RUBCN: variants seen among roughly 807,000 people sequenced by gnomAD.
RUBCN encodes the protein run domain Beclin-1-interacting and cysteine-rich domain-containing protein.
RUBCN carries 74 observed loss-of-function variants against 113.2 expected under a neutral mutation model. The ratio of observed to expected loss-of-function variants is 0.65; its 90% CI spans 0.54 to 0.79. The LOEUF (loss-of-function observed/expected upper bound fraction) is 0.79. Among genes scored for constraint, RUBCN ranks in the 30% least tolerant of loss-of-function variants. The pLI, the probability that RUBCN is intolerant of heterozygous loss-of-function variation, is 0.00. For missense variants in RUBCN, 1,109 were observed against 1,251.7 expected, an observed-to-expected ratio of 0.89 and a Z score of 1.72; for synonymous variants, 480 against 490.0, an observed-to-expected ratio of 0.98 and a Z score of 0.27.
intron 17 of RUBCN, 83 bp from the exon 18 acceptor site, chr3:197,677,121 G>T: frequency 6.9e-7 from 1 of 1,448,842 alleles, no homozygotes; most frequent in Non-Finnish European, 9.6e-7. Context: ...TCCAGAAACT[G>T]CAGAAAGTAA....
chr3:197,700,942 T>C lies in RUBCN; in HGVS notation c.932A>G (p.Gln311Arg), dbSNP rs2108903652. ...ACTGGCATCACCTGGGGAATCATTC[T>C]GGCTGCTGACCCAGGATGCCTCTAT... ...SPIEASWVSSQNDSPGDASEG... is the reference protein window; with the variant it reads ...SPIEASWVSSRNDSPGDASEG... The change falls in exon 7 of 20, where the codon CAG becomes CGG. Residue 311 changes from glutamine to arginine, a missense_variant. Gln to Arg is a conservative substitution (Grantham distance 43). This residue lies in a region of RUBCN where 736 missense variants were observed against 779.6 expected (regional missense o/e 0.94). Coordinates refer to ENST00000296343, the MANE Select transcript of RUBCN (RefSeq NM_014687.4). 6.2e-7 allele frequency: 1 copy of C among 1,614,238 alleles called. No individual in the cohort carries two copies. The highest frequency in any genetic ancestry group is 2.2e-5 in the East Asian group (1 of 44,888).
intron 1 of RUBCN, among the ~76,000 whole-genome samples, chr3:197,732,763 C>A (rs1727666551): frequency 6.6e-6 from 1 of 152,270 alleles, no homozygotes; most frequent in South Asian, 2.1e-4. Flanking sequence ...AGCACACTAC[C>A]GGGGAAGTGG....
chr3:197,698,184 C>T (rs1580241237), intron 7 of RUBCN, among the ~76,000 whole-genome samples: 1 of 151,916 alleles, frequency 6.6e-6, no homozygotes, highest in East Asian at 1.9e-4. Context: ...TCTTAGAATT[C>T]CCTTACACTC....
upstream of RUBCN, among the ~76,000 whole-genome samples, chr3:197,739,969 G>A (rs1171168176): frequency 1.3e-5 from 2 of 152,090 alleles, no homozygotes; most frequent in Non-Finnish European, 2.9e-5. Context: ...GAACCCGTGA[G>A]GTAGAGGTTG....
intron 4 of RUBCN, 90 bp from the exon 5 acceptor site, chr3:197,703,744 A>C: frequency 1.3e-6 from 1 of 793,442 alleles, no homozygotes. Flanking sequence ...GGTAAGGATG[A>C]ATGAGGAGGA....
rs1417995973 is a variant in RUBCN, at chr3:197,703,539, C to T, written c.570+9G>A. ...AGCATAGACGTGGATAATTCCTTGT[C>T]CCCTGTACCATGGACGCATCGATCT... On this transcript the variant is annotated intron_variant, in intron 5 of 19. Coordinates refer to ENST00000296343, the MANE Select transcript of RUBCN (RefSeq NM_014687.4). The T allele has an allele frequency of 1.1e-5, 18 of 1,588,744 alleles. No homozygotes were observed. Among genetic ancestry groups the T allele is most frequent in the Non-Finnish European group, 1.4e-5 (16 of 1,157,616 alleles).
intron 7 of RUBCN, among the ~76,000 whole-genome samples, chr3:197,698,997 C>T (rs905445423): frequency 2.0e-5 from 3 of 152,090 alleles, no homozygotes; most frequent in African/African-American, 4.8e-5. Flanking sequence ...AGAGACTGAA[C>T]GAGGCATTTG....
At chr3:197,734,084 C>T (rs1406637723) in intron 1 of RUBCN, among the ~76,000 whole-genome samples, 1 of 150,884 alleles carries the variant, frequency 6.6e-6, no homozygotes, top group Admixed American at 6.6e-5. Context: ...GGCGAAACCC[C>T]GTCTCTACTA....
chr3:197,718,139 G>C lies in RUBCN; in HGVS notation c.66-9C>G, dbSNP rs769079011. On this transcript the variant is annotated splice_polypyrimidine_tract_variant and intron_variant, in intron 1 of 19. Coordinates refer to ENST00000296343, the MANE Select transcript of RUBCN (RefSeq NM_014687.4). The stretch of plus-strand genomic sequence containing the variant: ...ACTGCCAGTGCTCCCTCCTGCAAGG[G>C]CATCAGTTACACCAATCGTTAGTTA... 6.2e-7 allele frequency: 1 copy of C among 1,614,088 alleles called. No individual in the cohort carries two copies. The highest frequency in any genetic ancestry group is 1.1e-5 in the South Asian group (1 of 91,078).
upstream of RUBCN, chr3:197,737,226 C>T (rs1438207604): frequency 1.2e-5 from 2 of 165,722 alleles, no homozygotes; most frequent in Non-Finnish European, 2.6e-5. Flanking sequence ...GGACCGAACT[C>T]AGTCCGAGAT....
chr3:197,700,177 C>T (rs1019938623), intron 7 of RUBCN, among the ~76,000 whole-genome samples: 5 of 152,292 alleles, frequency 3.3e-5, no homozygotes, highest in East Asian at 1.9e-4. Context: ...CTATAGCCTT[C>T]GTTTTAATTA....
chr3:197,739,705 G>GA (rs1472512893), upstream of RUBCN, among the ~76,000 whole-genome samples: 6 of 151,948 alleles, frequency 3.9e-5, no homozygotes, highest in Non-Finnish European at 5.9e-5. Context: ...GCGACAGAGG[G>GA]AGACTCCGTT....
At position 197,674,477 on chromosome 3, in the gene RUBCN, A is replaced by G. The variant is rs768610272; in HGVS notation, c.*541T>C. 6.5e-6 allele frequency: 3 copies of G among 458,588 alleles called. No individual in the cohort carries two copies. Among genetic ancestry groups the G allele is most frequent in the East Asian group, 7.5e-5 (1 of 13,268 alleles). 28.4% of individuals were successfully genotyped at this position (458,588 alleles called of 1,614,324 possible). A position where few individuals can be genotyped will look rare whatever the true frequency, so the allele number is the denominator to read the frequency against. ...GTTCTGTGGCCCCCAAAATACCCAA[A>G]TAAGTGGACGAAATGCCCATGACGT... On this transcript the variant is annotated 3_prime_UTR_variant, in exon 20 of 20. Transcript: ENST00000296343.
intron 2 of RUBCN, among the ~76,000 whole-genome samples, chr3:197,710,598 CAAA>C (rs374376643): frequency 2.1e-5 from 2 of 94,310 alleles, no homozygotes; most frequent in Admixed American, 1.2e-4. Context: ...AACTCCATCT[CAAA>C]AAAAAAAAAA....
intron 2 of RUBCN, 142 bp from the exon 3 acceptor site, chr3:197,705,317 C>A: frequency 1.3e-6 from 1 of 766,624 alleles, no homozygotes; most frequent in East Asian, 2.7e-5. Flanking sequence ...AAAGGATACA[C>A]ACAGAGGCCA....
chr3:197,694,346 G>C, intron 10 of RUBCN, 29 bp downstream of exon 10: 1 of 1,603,152 alleles, frequency 6.2e-7, no homozygotes, highest in Non-Finnish European at 8.5e-7. Context: ...GAAAATGTGG[G>C]AACAGAAGCA....
rs1162031809 is a variant in RUBCN at position 197,683,367 on chromosome 3, C to T, written c.1920G>A (p.Met640Ile). 2 of 1,614,098 alleles carry T rather than the reference C, an allele frequency of 1.2e-6. No homozygotes were observed. The highest frequency in any genetic ancestry group is 1.3e-5 in the African/African-American group (1 of 74,932). The change falls in exon 13 of 20, where the codon ATG (methionine) becomes ATA (isoleucine). Residue 640 changes from methionine (M) to isoleucine (I), a missense_variant. By Grantham distance (10) the Met-to-Ile change is conservative. Coordinates refer to ENST00000296343, the MANE Select transcript of RUBCN (RefSeq NM_014687.4). The surrounding 1 kb of genome is among the most constrained non-coding windows in gnomAD (Gnocchi z 4.6). ...CCAGCTCCGAGGCGGCTGGAAGCTG[C>T]ATCCCCTCAAACTGCTTCAGGAGCC... ...AMGLLKQFEG[M>I]QLPAASELEW...
intron 2 of RUBCN, among the ~76,000 whole-genome samples, chr3:197,716,998 G>A (rs1249261647): frequency 2.6e-5 from 4 of 152,184 alleles, no homozygotes; most frequent in Admixed American, 6.5e-5. Flanking sequence ...GCATGTGCCC[G>A]TAGCCCTAGC....
chr3:197,748,565 A>C (rs1375102315), intron 1 of RUBCN: 1 of 152,248 alleles, frequency 6.6e-6, no homozygotes, highest in African/African-American at 2.4e-5. Flanking sequence ...TAGGCTTACA[A>C]AAAAGTCATG....
Sources: gnomAD v4.1 joint callset for allele counts (sites outside exome capture counted in the v4.1 genomes callset) on GRCh38, gnomAD v4.1.1 for gene constraint, gnomAD v4.1.1 regional missense constraint, Gnocchi (gnomAD v3.1) non-coding constraint, MANE v1.5 for transcripts, NCBI Gene and HGNC (gene_info 2026-07-23, HGNC 2026-07-21) for gene names.